Variants in HIBADH observed in about 807,000 individuals in gnomAD.
The protein encoded by HIBADH is 3-hydroxyisobutyrate dehydrogenase.
In HIBADH, 25 loss-of-function variants were observed where a neutral mutation model predicts 36.1. That is an observed-to-expected ratio of 0.69 (90% confidence interval 0.50 to 0.97). HIBADH has a LOEUF of 0.97. Ranked by LOEUF, HIBADH falls within the 50% of genes least tolerant of loss-of-function variation. The pLI, the probability that HIBADH is intolerant of heterozygous loss-of-function variation, is 0.00. For missense variants in HIBADH, 421 were observed against 418.0 expected, an observed-to-expected ratio of 1.01 and a Z score of -0.06; for synonymous variants, 160 against 149.5, an observed-to-expected ratio of 1.07 and a Z score of -0.51.
intron 2 of HIBADH, among the ~76,000 whole-genome samples, chr7:27,637,564 C>G (rs964879897): frequency 6.6e-6 from 1 of 152,140 alleles, no homozygotes; most frequent in Non-Finnish European, 1.5e-5. Context: ...TATCTCATCA[C>G]TCCTATTCAA....
chr7:27,560,509 A>ATT (rs1232216553), intron 4 of HIBADH, among the ~76,000 whole-genome samples: 1 of 152,194 alleles, frequency 6.6e-6, no homozygotes, highest in Non-Finnish European at 1.5e-5. Context: ...ATAGTGGTGA[A>ATT]GTCTGAGATT....
chr7:27,556,488 GT>G (rs1429847706), intron 4 of HIBADH, among the ~76,000 whole-genome samples: 1 of 152,004 alleles, frequency 6.6e-6, no homozygotes, highest in Non-Finnish European at 1.5e-5. Context: ...GCTTCAGAAG[GT>G]TTTCCTCATT....
chr7:27,575,101 A>T (rs1164976348), intron 4 of HIBADH, among the ~76,000 whole-genome samples: 1 of 152,198 alleles, frequency 6.6e-6, no homozygotes, highest in African/African-American at 2.4e-5. Context: ...AAATTATTTT[A>T]CTTTTCCCAG....
Position 27,548,475 on chromosome 7 carries a change from T to TA in HIBADH, c.485-5376dup, listed in dbSNP as rs1367721260. 4.6e-5 allele frequency among the ~76,000 whole-genome samples: 7 copies of TA among 152,052 alleles called. No homozygotes were observed. In the East Asian group the frequency reaches 1.3e-3, roughly 29 times the overall value. ...AATAAAAAAGTCAGATTCATGCTAT[T>TA]AGAGGGCATACAGTTGTACAAAGGT... is the stretch of plus-strand genomic sequence containing the variant. On this transcript the variant is annotated intron_variant, in intron 4 of 7. Coordinates refer to ENST00000265395, the MANE Select transcript of HIBADH (RefSeq NM_152740.4).
chr7:27,660,445 C>T (rs1039019825), intron 1 of HIBADH, among the ~76,000 whole-genome samples: 1 of 152,198 alleles, frequency 6.6e-6, no homozygotes, highest in Non-Finnish European at 1.5e-5. Flanking sequence ...GGGCGGATCA[C>T]GAGGTCAAGT....
chr7:27,599,162 A>G (rs1399218565), intron 4 of HIBADH, among the ~76,000 whole-genome samples: 4 of 152,216 alleles, frequency 2.6e-5, no homozygotes, highest in Non-Finnish European at 5.9e-5. Flanking sequence ...AAATGTGTTC[A>G]CATATGATGT....
chr7:27,649,512 G>A lies in HIBADH; in HGVS notation c.213C>T (p.Phe71=). 1 of 1,613,588 alleles carries A rather than the reference G, an allele frequency of 6.2e-7. No homozygotes were observed. The part of the protein sequence containing the change: ...HGYPLIIYDV[F]PDACKEFQDA... ...CTTGAAACTCTTTGCAGGCATCAGG[G>A]AACACATCATAAATAATAAGTGGAT... The change falls in exon 2 of 8, where the codon TTC becomes TTT. Residue 71 remains phenylalanine (F), a synonymous_variant. Coordinates refer to ENST00000265395, the MANE Select transcript of HIBADH (RefSeq NM_152740.4).
intron 6 of HIBADH, among the ~76,000 whole-genome samples, chr7:27,534,070 G>A (rs946715276): frequency 6.6e-5 from 10 of 152,128 alleles, no homozygotes; most frequent in Admixed American, 5.2e-4. Flanking sequence ...TATATAATGC[G>A]TCTCAAATAA....
intron 4 of HIBADH, among the ~76,000 whole-genome samples, chr7:27,576,520 T>G (rs1583577866): frequency 2.0e-5 from 3 of 152,220 alleles, no homozygotes; most frequent in African/African-American, 7.2e-5. Context: ...TCATTAAAAG[T>G]TGATTACTAA....
chr7:27,606,169 T>C (rs972160482), intron 4 of HIBADH, among the ~76,000 whole-genome samples: 1 of 152,118 alleles, frequency 6.6e-6, no homozygotes, highest in Non-Finnish European at 1.5e-5. Context: ...TGTTTAAATA[T>C]GGGGGAGGGG....
chr7:27,580,557 AC>A (rs1184399614), intron 4 of HIBADH, among the ~76,000 whole-genome samples: 1 of 152,212 alleles, frequency 6.6e-6, no homozygotes, highest in African/African-American at 2.4e-5. Context: ...ATCATAAAAC[AC>A]AAGGAAAGAT....
intron 4 of HIBADH, among the ~76,000 whole-genome samples, chr7:27,623,643 C>A (rs897738745): frequency 2.0e-5 from 3 of 151,994 alleles, no homozygotes; most frequent in African/African-American, 7.2e-5. Flanking sequence ...AAAGCAATCC[C>A]ACTTATAATT....
intron 2 of HIBADH, among the ~76,000 whole-genome samples, chr7:27,637,937 TG>T (rs1195851189): frequency 6.6e-6 from 1 of 151,848 alleles, no homozygotes; most frequent in African/African-American, 2.4e-5. Flanking sequence ...AAATCAGAGA[TG>T]ACACAAACAT....
At chr7:27,566,813 T>A (rs1784554540) in intron 4 of HIBADH, among the ~76,000 whole-genome samples, 1 of 152,170 alleles carries the variant, frequency 6.6e-6, no homozygotes, top group South Asian at 2.1e-4. Flanking sequence ...CTTAGGAATG[T>A]GTTATTCAAT....
rs551623899 is a variant in HIBADH at position 27,571,428 on chromosome 7, T to C, written c.485-28328A>G. On this transcript the variant is annotated intron_variant, in intron 4 of 7. Transcript: ENST00000265395. ...TTAGTAGAGACAGGATTTCTCCATG[T>C]TGGTCAGGCTGGTCTCAAACTCCTG... 7.9e-5 allele frequency among the ~76,000 whole-genome samples: 12 copies of C among 152,290 alleles called. No homozygotes were observed. The East Asian group carries it at 2.3e-3, about 29-fold the overall frequency.
intron 4 of HIBADH, among the ~76,000 whole-genome samples, chr7:27,574,782 A>C (rs1784684560): frequency 6.6e-6 from 1 of 152,204 alleles, no homozygotes; most frequent in African/African-American, 2.4e-5. Context: ...AGCAATCTGG[A>C]GCTGTTATAA....
intron 4 of HIBADH, among the ~76,000 whole-genome samples, chr7:27,545,615 C>T (rs1027637939): frequency 5.3e-5 from 8 of 152,064 alleles, no homozygotes; most frequent in African/African-American, 1.7e-4. Context: ...CAATGACACG[C>T]CATTTTGATT....
At chr7:27,589,944 G>GAATA (rs1784917129) in intron 4 of HIBADH, among the ~76,000 whole-genome samples, 1 of 152,134 alleles carries the variant, frequency 6.6e-6, no homozygotes, top group Non-Finnish European at 1.5e-5. Flanking sequence ...TTGTGAACCA[G>GAATA]AGTAAGAGTT....
At chr7:27,643,365 G>A (rs973068649) in intron 2 of HIBADH, among the ~76,000 whole-genome samples, 1 of 152,200 alleles carries the variant, frequency 6.6e-6, no homozygotes, top group African/African-American at 2.4e-5. Flanking sequence ...GCTGTGTACA[G>A]CAGAGGTGAA....
Sources: gnomAD v4.1 joint callset for allele counts (sites outside exome capture counted in the v4.1 genomes callset) on GRCh38, gnomAD v4.1.1 for gene constraint, MANE v1.5 for transcripts, NCBI Gene and HGNC (gene_info 2026-07-23, HGNC 2026-07-21) for gene names.